Variants in USP26 observed in about 807,000 individuals in gnomAD.
The protein encoded by USP26 is ubiquitin specific peptidase 26.
For synonymous variants in USP26, 236 were observed against 240.6 expected, an observed-to-expected ratio of 0.98 and a Z score of 0.18; for missense variants, 649 against 642.3, an observed-to-expected ratio of 1.01 and a Z score of -0.11.
intron 5 of USP26, among the ~76,000 whole-genome samples, chrX:133,079,891 A>G (rs1289569954): frequency 8.9e-6 from 1 of 112,102 alleles, no homozygotes; most frequent in Non-Finnish European, 1.9e-5. Context: ...CAGAAATATC[A>G]GTATAAAATA....
chrX:133,082,175 T>G (rs1293533393), intron 5 of USP26, among the ~76,000 whole-genome samples: 1 of 111,843 alleles, frequency 8.9e-6, no homozygotes, highest in Non-Finnish European at 1.9e-5. Flanking sequence ...ATCAAAGGCC[T>G]TTGTCTTCCT....
At chrX:133,089,602 AAAAT>A (rs1408433562) in intron 4 of USP26, among the ~76,000 whole-genome samples, 6 of 112,088 alleles carry the variant, frequency 5.4e-5, no homozygotes, top group African/African-American at 1.9e-4. Context: ...GAAAGGAAAG[AAAAT>A]AAATAAAGGA....
rs1424247279 is a variant in USP26, at chrX:133,026,656, T to C, written c.1565A>G (p.Lys522Arg). 8.3e-7 allele frequency: 1 copy of C among 1,209,862 alleles called. No homozygotes were observed. The highest frequency in any genetic ancestry group is 3.0e-5 in the East Asian group (1 of 33,732). Residue 522 changes from lysine (K) to arginine (R), a missense_variant, in exon 6 of 6, where the codon AAA becomes AGA. Physicochemically the swap from Lys to Arg is conservative, Grantham distance 26 (BLOSUM62 2). Coordinates refer to ENST00000511190, the MANE Select transcript of USP26 (RefSeq NM_031907.3). ...ACAAAACTCATTCAAGCTATAGCGT[T>C]TGAGGTGAACAATAAGGATTCTAGG... Reference protein sequence around the residue: ...RLPRILIVHLKRYSLNEFCAL... With the variant: ...RLPRILIVHLRRYSLNEFCAL...
chrX:133,088,288 A>G lies in USP26; in HGVS notation c.-142+1825T>C, dbSNP rs1021514909. 2.7e-5 allele frequency among the ~76,000 whole-genome samples: 3 copies of G among 111,496 alleles called. No homozygotes were observed. In the Admixed American group the frequency reaches 2.9e-4, roughly 11 times the overall value. ...TTTGTGGAAGACAAATTTTCCACAG[A>G]CCGGGGGTGGAGGGATGGTTTCGGG... is the stretch of plus-strand genomic sequence containing the variant. On this transcript the variant is annotated intron_variant, in intron 4 of 5. Transcript: ENST00000511190.
chrX:133,059,738 A>C (rs1473440091), intron 5 of USP26, among the ~76,000 whole-genome samples: 2 of 111,302 alleles, frequency 1.8e-5, no homozygotes, highest in African/African-American at 6.5e-5. Flanking sequence ...TCAAAGATCC[A>C]GACTACTCCA....
chrX:133,046,044 G>A (rs932923661), intron 5 of USP26: 2 of 111,496 alleles, frequency 1.8e-5, no homozygotes, highest in African/African-American at 6.5e-5. Context: ...ATGTTTTGGG[G>A]TGGTCCTACA....
intron 5 of USP26, among the ~76,000 whole-genome samples, chrX:133,034,661 A>G (rs2067389992): frequency 8.9e-6 from 1 of 111,830 alleles, no homozygotes; most frequent in African/African-American, 3.3e-5. Flanking sequence ...GAACTATAAT[A>G]CACTGCACAA....
At chrX:133,060,728 C>G (rs1451981521) in intron 5 of USP26, among the ~76,000 whole-genome samples, 1 of 111,662 alleles carries the variant, frequency 9.0e-6, no homozygotes, top group Non-Finnish European at 1.9e-5. Flanking sequence ...TCTGTAAAAG[C>G]TAAGTTTATC....
intron 5 of USP26, among the ~76,000 whole-genome samples, chrX:133,082,997 A>G (rs184396908): frequency 9.0e-6 from 1 of 111,603 alleles, no homozygotes; most frequent in African/African-American, 3.3e-5. Context: ...TATTTATGTC[A>G]TTAAGATGCA....
At chrX:133,075,677 G>C (rs763470587) in intron 5 of USP26, among the ~76,000 whole-genome samples, 1 of 111,258 alleles carries the variant, frequency 9.0e-6, no homozygotes, top group Non-Finnish European at 1.9e-5. Context: ...GTTATAGGAG[G>C]AGGTAAAAAA....
chrX:133,096,030 C>A (rs1029727639), intron 1 of USP26, among the ~76,000 whole-genome samples: 1 of 104,902 alleles, frequency 9.5e-6, no homozygotes, highest in Admixed American at 1.1e-4. Context: ...CAGGCATGAG[C>A]CACGGCGCCC....
At chrX:133,029,783 C>T (rs2067369628) in intron 5 of USP26, among the ~76,000 whole-genome samples, 1 of 111,658 alleles carries the variant, frequency 9.0e-6, no homozygotes, top group South Asian at 3.8e-4. Context: ...CTTCTCTCTG[C>T]CCTCAAAAAT....
chrX:133,087,738 C>A (rs1296935356), intron 4 of USP26, among the ~76,000 whole-genome samples: 1 of 112,058 alleles, frequency 8.9e-6, no homozygotes, highest in Non-Finnish European at 1.9e-5. Flanking sequence ...ATATGTTTTT[C>A]TCCATAAAAG....
rs1183002966 is a variant in USP26 at position 133,028,216 on chromosome X, G to A, written c.5C>T (p.Ala2Val). M[A>V]ALFLRGFVQI... is the part of the protein sequence containing the mutation. ...GACAAAACCACGTAGGAATAGGGCA[G>A]CCATGTTTTCTTTACAAATAAAATA... Residue 2 changes from alanine (A) to valine (V), a missense_variant, in exon 6 of 6, where the codon GCT (alanine) becomes GTT (valine). By Grantham distance (64) the Ala-to-Val change is moderately conservative. Transcript: ENST00000511190. 1 of 1,209,499 alleles carries A rather than the reference G, an allele frequency of 8.3e-7. No homozygotes were observed. Among genetic ancestry groups the A allele is most frequent in the South Asian group, 1.8e-5 (1 of 56,904 alleles).
chrX:133,059,420 C>T (rs1179186090), intron 5 of USP26, among the ~76,000 whole-genome samples: 1 of 111,411 alleles, frequency 9.0e-6, no homozygotes, highest in Non-Finnish European at 1.9e-5. Context: ...CACATTTATA[C>T]ACTGAGAACT....
chrX:133,070,986 G>T (rs974947669), intron 5 of USP26, among the ~76,000 whole-genome samples: 1 of 111,065 alleles, frequency 9.0e-6, no homozygotes, highest in African/African-American at 3.3e-5. Context: ...GGAGGCTGAG[G>T]CGGGAGGATC....
At chrX:133,035,047 A>T (rs1467348533) in intron 5 of USP26, among the ~76,000 whole-genome samples, 1 of 111,510 alleles carries the variant, frequency 9.0e-6, no homozygotes, top group African/African-American at 3.3e-5. Flanking sequence ...TGTAAGCTAC[A>T]CTGATAGTAG....
intron 5 of USP26, among the ~76,000 whole-genome samples, chrX:133,031,485 T>C (rs1287664693): frequency 8.9e-6 from 1 of 111,743 alleles, no homozygotes; most frequent in African/African-American, 3.3e-5. Context: ...ATACTTACAT[T>C]GGATTTCTTA....
chrX:133,045,069 C>CTAGACCAGA, intron 5 of USP26, among the ~76,000 whole-genome samples: 1 of 112,140 alleles, frequency 8.9e-6, no homozygotes, highest in East Asian at 2.8e-4. Flanking sequence ...CCAATCTGTG[C>CTAGACCAGA]TCTGTGTCTA....
Sources: allele counts gnomAD v4.1 joint callset (sites outside exome capture counted in the v4.1 genomes callset), GRCh38; gene constraint gnomAD v4.1.1; transcripts MANE v1.5; gene names NCBI Gene and HGNC (gene_info 2026-07-23, HGNC 2026-07-21).